CNTN4: variants seen among roughly 807,000 people sequenced by gnomAD.
CNTN4 encodes the protein contactin-4.
Under a neutral mutation model 122.5 loss-of-function variants are expected in CNTN4, and 77 were observed. The ratio of observed to expected loss-of-function variants is 0.63; its 90% CI spans 0.52 to 0.76. CNTN4 has a LOEUF of 0.76. Ranked by LOEUF, CNTN4 falls within the 30% of genes least tolerant of loss-of-function variation. The probability of loss-of-function intolerance (pLI) is 0.00; values close to 1 mark genes in which losing one functional copy is unlikely to be tolerated. For synonymous variants in CNTN4, 512 were observed against 447.0 expected (o/e 1.15, Z -1.83); for missense variants, 1,256 against 1,259.1 (o/e 1.00, Z 0.04).
intron 4 of CNTN4, among the ~76,000 whole-genome samples, chr3:2,660,807 A>C (rs916458791): frequency 1.3e-5 from 2 of 152,232 alleles, no homozygotes; most frequent in African/African-American, 4.8e-5. Context: ...GAAGTTAAAC[A>C]CAACTGATGC....
At chr3:2,847,135 G>C (rs2093469251) in intron 7 of CNTN4, among the ~76,000 whole-genome samples, 1 of 150,298 alleles carries the variant, frequency 6.7e-6, no homozygotes. Flanking sequence ...TCAGCTTTTT[G>C]TCATTATCAG....
chr3:2,568,253 G>T (rs1164596890), intron 3 of CNTN4, among the ~76,000 whole-genome samples: 1 of 141,950 alleles, frequency 7.0e-6, no homozygotes, highest in Non-Finnish European at 1.5e-5. Flanking sequence ...GAGGTCTTCA[G>T]TGTCACTGTT....
intron 2 of CNTN4, among the ~76,000 whole-genome samples, chr3:2,293,502 A>T (rs1266323540): frequency 1.3e-5 from 2 of 152,206 alleles, no homozygotes; most frequent in African/African-American, 2.4e-5. Context: ...TAGGCAAGTT[A>T]CTTAATTTCC....
chr3:2,638,215 C>A (rs1338810696), intron 4 of CNTN4, among the ~76,000 whole-genome samples: 5 of 152,088 alleles, frequency 3.3e-5, no homozygotes, highest in Admixed American at 6.6e-5. Context: ...GATTCATGAC[C>A]CTGTGCAGAT....
chr3:2,922,293 A>G (rs2094436687), intron 12 of CNTN4, among the ~76,000 whole-genome samples: 1 of 152,206 alleles, frequency 6.6e-6, no homozygotes, highest in Non-Finnish European at 1.5e-5. Flanking sequence ...TTACCTGTGA[A>G]TGTCAAATAG....
At chr3:2,692,749 A>G (rs1210140791) in intron 4 of CNTN4, among the ~76,000 whole-genome samples, 1 of 152,166 alleles carries the variant, frequency 6.6e-6, no homozygotes, top group Admixed American at 6.6e-5. Context: ...TAAAGTGTGT[A>G]AAATTAAGAT....
At chr3:2,847,607 A>C (rs1220046913) in intron 7 of CNTN4, among the ~76,000 whole-genome samples, 1 of 152,162 alleles carries the variant, frequency 6.6e-6, no homozygotes, top group African/African-American at 2.4e-5. Flanking sequence ...CAGGATAACC[A>C]GGCAATTTGT....
intron 3 of CNTN4, among the ~76,000 whole-genome samples, chr3:2,483,855 C>G (rs904541932): frequency 6.6e-6 from 1 of 152,056 alleles, no homozygotes; most frequent in Non-Finnish European, 1.5e-5. Context: ...TTCATAGCAG[C>G]GTGAGAACAG....
intron 3 of CNTN4, among the ~76,000 whole-genome samples, chr3:2,491,810 G>A (rs1243707796): frequency 1.3e-5 from 2 of 152,008 alleles, no homozygotes; most frequent in Admixed American, 6.6e-5. Context: ...ACATTTTCTC[G>A]AATCTTCCGT....
chr3:2,790,416 G>C (rs2091972605), intron 6 of CNTN4, among the ~76,000 whole-genome samples: 1 of 152,174 alleles, frequency 6.6e-6, no homozygotes, highest in Admixed American at 6.5e-5. Context: ...TATTTTTTCT[G>C]AAAGATCTTC....
chr3:2,108,183 TC>T (rs1310043569), intron 2 of CNTN4, among the ~76,000 whole-genome samples: 3 of 137,826 alleles, frequency 2.2e-5, no homozygotes, highest in South Asian at 2.3e-4. Flanking sequence ...TTTTTTTTTT[TC>T]ATGACTGTTT....
chr3:2,666,536 T>C (rs1232442902), intron 4 of CNTN4, among the ~76,000 whole-genome samples: 1 of 152,244 alleles, frequency 6.6e-6, no homozygotes, highest in Non-Finnish European at 1.5e-5. Flanking sequence ...GTTAGCTTTT[T>C]CTTCCAAAAC....
intron 9 of CNTN4, 79 bp downstream of exon 9, chr3:2,883,326 G>C (rs187778971): frequency 1.9e-6 from 2 of 1,027,080 alleles, no homozygotes; most frequent in Non-Finnish European, 3.0e-6. Context: ...TGTTCACAGC[G>C]ATGGTTTCTG....
intron 7 of CNTN4, among the ~76,000 whole-genome samples, chr3:2,854,077 T>G (rs2093590234): frequency 6.6e-6 from 1 of 152,118 alleles, no homozygotes; most frequent in Admixed American, 6.5e-5. Flanking sequence ...GTGATGGTCT[T>G]TTTTGTTTTT....
chr3:2,841,149 ACTCT>A lies in CNTN4; in HGVS notation c.454+21570_454+21573del, dbSNP rs1295459424. 6.6e-6 allele frequency among the ~76,000 whole-genome samples: 1 copy of A among 152,156 alleles called. No homozygotes were observed. Among genetic ancestry groups the A allele is most frequent in the East Asian group, 1.9e-4 (1 of 5,188 alleles). On this transcript the variant is annotated intron_variant, in intron 7 of 24. Transcript: ENST00000418658. This position sits in a 1 kb window ranked among gnomAD's most constrained non-coding sequence, Gnocchi z 4.8. ...GAAGATAATCTGAGGGTTAATGCTA[ACTCT>A]CATAGAATTTAAGTCAAAATATCTG...
chr3:2,446,034 C>G (rs1369940701), intron 3 of CNTN4, among the ~76,000 whole-genome samples: 2 of 152,190 alleles, frequency 1.3e-5, no homozygotes, highest in Admixed American at 1.3e-4. Flanking sequence ...TGTTCAATGA[C>G]TAGATGGACA....
At chr3:2,900,645 A>T in intron 10 of CNTN4, 40 bp from the exon 11 acceptor site, 1 of 1,606,790 alleles carries the variant, frequency 6.2e-7, no homozygotes, top group Non-Finnish European at 8.5e-7. Flanking sequence ...TTGAGTACAC[A>T]CTGAATATAC....
chr3:2,915,569 C>T (rs1175149946), intron 12 of CNTN4, among the ~76,000 whole-genome samples: 1 of 152,274 alleles, frequency 6.6e-6, no homozygotes, highest in South Asian at 2.1e-4. Context: ...GAGTGGGCAT[C>T]CTTGCTTTGT....
intron 2 of CNTN4, among the ~76,000 whole-genome samples, chr3:2,171,330 C>G (rs959141909): frequency 4.6e-5 from 7 of 152,118 alleles, no homozygotes; most frequent in African/African-American, 1.7e-4. Flanking sequence ...GACAAAAACA[C>G]TCATAAAATA....
Sources: gnomAD v4.1 joint callset for allele counts (sites outside exome capture counted in the v4.1 genomes callset) on GRCh38, gnomAD v4.1.1 for gene constraint, Gnocchi (gnomAD v3.1) non-coding constraint, MANE v1.5 for transcripts, NCBI Gene and HGNC (gene_info 2026-07-23, HGNC 2026-07-21) for gene names.